Variants in NCOA1 observed in about 807,000 individuals in gnomAD.
NCOA1 encodes the protein Hin-2 protein.
A neutral mutation model predicts 150.9 loss-of-function variants in NCOA1; 35 were observed. The ratio of observed to expected loss-of-function variants is 0.23; its 90% CI spans 0.18 to 0.31. The LOEUF is 0.31. NCOA1 is among the 10% of genes least tolerant of loss of function. The pLI is 1.00. For missense variants in NCOA1, 1,491 were observed against 1,749.3 expected (o/e 0.85, Z 2.63); for synonymous variants, 590 against 630.0 (o/e 0.94, Z 0.95).
chr2:24,706,110 G>A (rs1277170864), intron 12 of NCOA1, among the ~76,000 whole-genome samples: 1 of 151,858 alleles, frequency 6.6e-6, no homozygotes, highest in Non-Finnish European at 1.5e-5. Flanking sequence ...TTCCTCTTTG[G>A]AGTTGAAATA....
At chr2:24,698,395 T>A (rs1673000198) in intron 11 of NCOA1, among the ~76,000 whole-genome samples, 2 of 152,014 alleles carry the variant, frequency 1.3e-5, no homozygotes, top group African/African-American at 4.8e-5. Flanking sequence ...ATCTCCTGAC[T>A]CAGGTTGAAA....
chr2:24,727,631 C>G (rs1475556916), intron 15 of NCOA1, among the ~76,000 whole-genome samples: 1 of 152,106 alleles, frequency 6.6e-6, no homozygotes, highest in Non-Finnish European at 1.5e-5. Flanking sequence ...AGGAAGAATG[C>G]TTATAATTGT....
Position 24,693,273 on chromosome 2 carries a change from G to C in NCOA1, c.734G>C (p.Cys245Ser). ...GCAGATTTCCAGTCATGTCTGATTT[G>C]TATTGCACGGCGATTACCTCGGCCT... ...DGEDFQSCLI[C>S]IARRLPRPPA... The change falls in exon 10 of 23, where the codon TGT (cysteine) becomes TCT (serine). Residue 245 changes from cysteine (C) to serine (S), a missense_variant. Around this residue, in one of 8 missense-constraint regions of NCOA1, gnomAD observed 99 missense variants for 122.8 expected, o/e 0.81. Transcript: ENST00000348332. 1 of 1,614,086 alleles carries C rather than the reference G, an allele frequency of 6.2e-7. No homozygotes were observed. The highest frequency in any genetic ancestry group is 8.5e-7 in the Non-Finnish European group (1 of 1,179,990).
intron 1 of NCOA1, among the ~76,000 whole-genome samples, chr2:24,561,588 A>G (rs1456325247): frequency 6.6e-6 from 1 of 152,202 alleles, no homozygotes; most frequent in Non-Finnish European, 1.5e-5. Context: ...TTCTAGCACA[A>G]TTAGGAAGGT....
intron 1 of NCOA1, among the ~76,000 whole-genome samples, chr2:24,501,984 C>G (rs757054465): frequency 5.3e-5 from 8 of 152,210 alleles, no homozygotes; most frequent in Non-Finnish European, 1.2e-4. Flanking sequence ...TGTTTTTCCA[C>G]TTTGCAACAG....
chr2:24,694,001 G>A (rs1050362303), intron 10 of NCOA1, among the ~76,000 whole-genome samples: 1 of 152,150 alleles, frequency 6.6e-6, no homozygotes, highest in Admixed American at 6.6e-5. Context: ...GGTCTTGGAA[G>A]GGGGGCAGCA....
intron 1 of NCOA1, among the ~76,000 whole-genome samples, chr2:24,562,979 G>A (rs575667369): frequency 6.6e-6 from 1 of 152,290 alleles, no homozygotes; most frequent in Admixed American, 6.5e-5. Context: ...GGAGGGTCTG[G>A]AAGTGTCACT....
chr2:24,497,425 C>T (rs919361265), intron 1 of NCOA1, among the ~76,000 whole-genome samples: 1 of 152,020 alleles, frequency 6.6e-6, no homozygotes, highest in Non-Finnish European at 1.5e-5. Flanking sequence ...CATCTGTAAT[C>T]CCAGCACTTT....
chr2:24,648,214 G>A (rs1670560156), intron 4 of NCOA1, among the ~76,000 whole-genome samples: 2 of 151,866 alleles, frequency 1.3e-5, no homozygotes, highest in Admixed American at 6.6e-5. Flanking sequence ...TAGGTTTTAA[G>A]CTGGACTTTA....
chr2:24,702,032 A>G (rs903916865), intron 11 of NCOA1, among the ~76,000 whole-genome samples: 1 of 152,168 alleles, frequency 6.6e-6, no homozygotes, highest in African/African-American at 2.4e-5. Flanking sequence ...AAAATATATC[A>G]TGAGTCAAAG....
At chr2:24,536,636 G>T (rs936912588) in intron 1 of NCOA1, among the ~76,000 whole-genome samples, 1 of 152,124 alleles carries the variant, frequency 6.6e-6, no homozygotes, top group Non-Finnish European at 1.5e-5. Flanking sequence ...TGGGGTTTCG[G>T]TGTGGATGTC....
intron 14 of NCOA1, among the ~76,000 whole-genome samples, chr2:24,716,695 C>T (rs544946466): frequency 5.2e-4 from 79 of 152,248 alleles, no homozygotes; most frequent in Non-Finnish European, 7.5e-4. Flanking sequence ...CATTAGACTT[C>T]GTTAAATGTT....
intron 6 of NCOA1, among the ~76,000 whole-genome samples, chr2:24,670,642 A>G (rs528079437): frequency 1.3e-5 from 2 of 152,332 alleles, no homozygotes; most frequent in South Asian, 4.1e-4. Context: ...TTGAGACAAA[A>G]AATAAATTGG....
At chr2:24,731,876 A>G (rs1250836829) in intron 17 of NCOA1, among the ~76,000 whole-genome samples, 1 of 152,230 alleles carries the variant, frequency 6.6e-6, no homozygotes, top group Non-Finnish European at 1.5e-5. Context: ...TAAAAGAAAC[A>G]GGCAACTGCT....
At chr2:24,603,943 A>G (rs1300214173) in intron 3 of NCOA1, among the ~76,000 whole-genome samples, 2 of 152,228 alleles carry the variant, frequency 1.3e-5, no homozygotes, top group Non-Finnish European at 2.9e-5. Context: ...CTTATATAAT[A>G]TATTTCTTAA....
chr2:24,567,319 C>T (rs535974951), intron 2 of NCOA1, among the ~76,000 whole-genome samples: 1 of 152,056 alleles, frequency 6.6e-6, no homozygotes, highest in Admixed American at 6.6e-5. Flanking sequence ...ATATATAGTT[C>T]GTCTTAGTAC....
intron 1 of NCOA1, among the ~76,000 whole-genome samples, chr2:24,542,267 C>CAAA (rs56269825): frequency 0.81 from 123,276 of 151,546 alleles, 51,790 homozygotes; most frequent in East Asian, 0.99. Context: ...AAGAACTAAC[C>CAAA]TGATTAGTGA....
intron 22 of NCOA1, 69 bp from the exon 23 acceptor site, chr2:24,768,152 A>G (rs1558352791): frequency 6.2e-7 from 1 of 1,613,920 alleles, no homozygotes; most frequent in Non-Finnish European, 8.5e-7. Flanking sequence ...TTCCACTTCA[A>G]GTAGTACCCA....
At chr2:24,674,872 CAG>C (rs1005833052) in intron 7 of NCOA1, among the ~76,000 whole-genome samples, 1 of 152,140 alleles carries the variant, frequency 6.6e-6, no homozygotes, top group Non-Finnish European at 1.5e-5. Flanking sequence ...AAAACTGCTT[CAG>C]AGAGGTCTCA....
Sources: gnomAD v4.1 joint callset for allele counts (sites outside exome capture counted in the v4.1 genomes callset) on GRCh38, gnomAD v4.1.1 for gene constraint, gnomAD v4.1.1 regional missense constraint, MANE v1.5 for transcripts, NCBI Gene and HGNC (gene_info 2026-07-23, HGNC 2026-07-21) for gene names.